HTR7: variants seen among roughly 807,000 people sequenced by gnomAD.
HTR7 encodes 5-HT-7.
A neutral mutation model predicts 34.0 loss-of-function variants in HTR7; 16 were observed. That is an observed-to-expected ratio of 0.47 (90% CI 0.32 to 0.71). HTR7 has a LOEUF of 0.71. Ranked by LOEUF, HTR7 falls within the 30% of genes least tolerant of loss-of-function variation. The pLI is 0.04. For missense variants in HTR7, 504 were observed against 625.5 expected, an observed-to-expected ratio of 0.81 and a Z score of 2.07; for synonymous variants, 265 against 260.2, an observed-to-expected ratio of 1.02 and a Z score of -0.18.
At chr10:90,808,967 C>T (rs189968475) in intron 1 of HTR7, among the ~76,000 whole-genome samples, 1 of 152,254 alleles carries the variant, frequency 6.6e-6, no homozygotes, top group African/African-American at 2.4e-5. Context: ...TTTTACACAT[C>T]AGTCCCTTCC....
At chr10:90,848,069 CTT>C (rs61675028) in intron 1 of HTR7, among the ~76,000 whole-genome samples, 36 of 112,098 alleles carry the variant, frequency 3.2e-4, no homozygotes, top group African/African-American at 9.9e-4. Flanking sequence ...TCTCTTTGTT[CTT>C]TTTTTTTTTT....
chr10:90,847,204 C>T (rs528892862), intron 1 of HTR7, among the ~76,000 whole-genome samples: 1 of 152,166 alleles, frequency 6.6e-6, no homozygotes, highest in Non-Finnish European at 1.5e-5. Context: ...AGTGGGGATA[C>T]TGATGCCCAC....
At chr10:90,762,504 A>G (rs1844956927) in intron 1 of HTR7, among the ~76,000 whole-genome samples, 1 of 152,118 alleles carries the variant, frequency 6.6e-6, no homozygotes, top group Non-Finnish European at 1.5e-5. Flanking sequence ...TTGTTGAGTG[A>G]TATGGGTTCT....
intron 1 of HTR7, among the ~76,000 whole-genome samples, chr10:90,837,780 AG>A (rs1846274723): frequency 6.6e-6 from 1 of 152,178 alleles, no homozygotes; most frequent in African/African-American, 2.4e-5. Flanking sequence ...TTCTTGGAAG[AG>A]TTGCTTCTAG....
intron 1 of HTR7, among the ~76,000 whole-genome samples, chr10:90,841,101 TA>T (rs1846322359): frequency 6.6e-6 from 1 of 152,196 alleles, no homozygotes. Flanking sequence ...ACTGGTCACT[TA>T]TTAGTTCTGC....
chr10:90,752,325 T>G (rs369772998), intron 1 of HTR7, among the ~76,000 whole-genome samples: 2 of 152,206 alleles, frequency 1.3e-5, no homozygotes, highest in South Asian at 2.1e-4. Flanking sequence ...TAAAAACACC[T>G]AGGAAAAAGC....
intron 1 of HTR7, among the ~76,000 whole-genome samples, chr10:90,851,168 T>G (rs1328474266): frequency 6.6e-6 from 1 of 152,158 alleles, no homozygotes; most frequent in Non-Finnish European, 1.5e-5. Context: ...ACACATTACC[T>G]TCCATGGAGT....
At chr10:90,842,166 A>G (rs972627100) in intron 1 of HTR7, among the ~76,000 whole-genome samples, 2 of 152,190 alleles carry the variant, frequency 1.3e-5, no homozygotes, top group African/African-American at 4.8e-5. Context: ...TAGAGCCCTC[A>G]TGGATGGGAT....
rs1473210598 is a variant in HTR7 at position 90,749,134 on chromosome 10, C to T, written c.1000G>A (p.Gly334Arg). The change falls in exon 2 of 4, where the codon GGG becomes AGG. Residue 334 changes from glycine (G) to arginine (R), a missense_variant. Gly to Arg is a moderately radical substitution (Grantham distance 125). Transcript: ENST00000336152. This position sits in a 1 kb window ranked among gnomAD's most constrained non-coding sequence, Gnocchi z 4.2. ...GGCAGCCAGCACACGGTAAAGGCCC[C>T]GACGATGATCCCCAGGGTGGTGGCT... ...KAATTLGIIV[G>R]AFTVCWLPFF... The T allele has an allele frequency of 6.2e-6, 10 of 1,614,006 alleles. No individual in the cohort carries two copies. The highest frequency in any genetic ancestry group is 5.3e-5 in the African/African-American group (4 of 74,910).
chr10:90,791,778 A>G (rs1845463793), intron 1 of HTR7, among the ~76,000 whole-genome samples: 1 of 152,086 alleles, frequency 6.6e-6, no homozygotes, highest in Non-Finnish European at 1.5e-5. Context: ...CCATTTTATC[A>G]CTATCATCTT....
rs940582915 is a variant in HTR7, at chr10:90,781,686, A to G, written c.540-32092T>C. Among the ~76,000 whole-genome samples, 8 of 152,272 alleles carry G rather than the reference A, an allele frequency of 5.3e-5. 2 individuals are homozygous for G. The South Asian group carries it at 1.2e-3, about 24-fold the overall frequency. On this transcript the variant is annotated intron_variant, in intron 1 of 3. Transcript: ENST00000336152. ...GTTATATAATAAAGCTTCTTCGTTT[A>G]TTTATCTTAGGCAGAGAATCAGAAC...
At chr10:90,786,407 C>T (rs773676079) in intron 1 of HTR7, among the ~76,000 whole-genome samples, 7 of 152,068 alleles carry the variant, frequency 4.6e-5, no homozygotes, top group South Asian at 2.1e-4. Flanking sequence ...TTGAAGCTAA[C>T]GAGGAAGCCA....
intron 1 of HTR7, among the ~76,000 whole-genome samples, chr10:90,835,710 C>A (rs377130520): frequency 6.6e-6 from 1 of 152,008 alleles, no homozygotes. Context: ...TGCAAGGGAC[C>A]CAGAAATATA....
At chr10:90,789,994 T>C (rs551885129) in intron 1 of HTR7, among the ~76,000 whole-genome samples, 68 of 152,176 alleles carry the variant, frequency 4.5e-4, no homozygotes, top group African/African-American at 1.2e-3. Context: ...TTCAAGAAAA[T>C]ATCTACTTAG....
At chr10:90,811,910 T>A (rs2119969701) in intron 1 of HTR7, among the ~76,000 whole-genome samples, 1 of 150,788 alleles carries the variant, frequency 6.6e-6, no homozygotes, top group South Asian at 2.1e-4. Flanking sequence ...TACAGTCTGA[T>A]AACAGACCAG....
chr10:90,842,616 T>C (rs4520504), intron 1 of HTR7, among the ~76,000 whole-genome samples: 57,370 of 151,702 alleles, frequency 0.38, 11,902 homozygotes, highest in African/African-American at 0.56. Context: ...ATTGCTACTG[T>C]CAGTTCCTAT....
intron 1 of HTR7, among the ~76,000 whole-genome samples, chr10:90,775,968 T>G (rs932340656): frequency 6.6e-6 from 1 of 152,206 alleles, no homozygotes; most frequent in Non-Finnish European, 1.5e-5. Context: ...ATAATATATT[T>G]TTTCATACAA....
At chr10:90,823,066 G>A (rs550486732) in intron 1 of HTR7, among the ~76,000 whole-genome samples, 3 of 152,320 alleles carry the variant, frequency 2.0e-5, no homozygotes, top group Admixed American at 6.5e-5. Context: ...CCCCTTCTAG[G>A]GCAGTGTGTA....
chr10:90,832,028 G>A (rs1846187190), intron 1 of HTR7, among the ~76,000 whole-genome samples: 1 of 152,236 alleles, frequency 6.6e-6, no homozygotes, highest in Non-Finnish European at 1.5e-5. Flanking sequence ...TAGATACAGA[G>A]TGTTGATTGG....
Sources: gnomAD v4.1 joint callset for allele counts (sites outside exome capture counted in the v4.1 genomes callset) on GRCh38, gnomAD v4.1.1 for gene constraint, Gnocchi (gnomAD v3.1) non-coding constraint, MANE v1.5 for transcripts, NCBI Gene and HGNC (gene_info 2026-07-23, HGNC 2026-07-21) for gene names.